The following STPG2 variants were observed in gnomAD, a reference collection of about 807,000 sequenced individuals.
STPG2 encodes the protein sperm-tail PG-rich repeat-containing protein 2.
In STPG2, 56 loss-of-function variants were observed where a neutral mutation model predicts 54.2. The observed-to-expected ratio is 1.03, with a 90% CI of 0.83 to 1.29. The LOEUF is 1.29. STPG2 is among the 50% of genes most tolerant of loss of function. STPG2 has a pLI of 0.00. For synonymous variants in STPG2, 200 were observed against 181.8 expected (o/e 1.10, Z -0.81); for missense variants, 596 against 544.9 (o/e 1.09, Z -0.93).
chr4:97,934,989 G>A (rs1202987776), intron 8 of STPG2, among the ~76,000 whole-genome samples: 1 of 152,044 alleles, frequency 6.6e-6, no homozygotes, highest in Non-Finnish European at 1.5e-5. Context: ...CTGATACTGG[G>A]CGTTTTTTGG....
At chr4:97,509,301 C>T (rs1435436131) in intron 4 of STPG2, among the ~76,000 whole-genome samples, 1 of 151,910 alleles carries the variant, frequency 6.6e-6, no homozygotes, top group Non-Finnish European at 1.5e-5. Context: ...TATAATACAG[C>T]AAGTTTCCAT....
chr4:97,999,271 G>A lies in STPG2; in HGVS notation c.613-17953C>T, dbSNP rs567403034. Among the ~76,000 whole-genome samples, 13 of 152,294 alleles carry A rather than the reference G, an allele frequency of 8.5e-5. No individual in the cohort carries two copies. The South Asian group carries it at 2.7e-3, about 32-fold the overall frequency. ...ATTTCAAAAACAACATAGCTTGCAA[G>A]TGGTTGGGACAGATAGTATTGGTTT... is the stretch of plus-strand genomic sequence containing the variant. On this transcript the variant is annotated intron_variant, in intron 5 of 10. Transcript: ENST00000295268.
intron 2 of STPG2, among the ~76,000 whole-genome samples, chr4:98,132,279 G>A (rs1740015616): frequency 2.6e-5 from 4 of 151,838 alleles, no homozygotes; most frequent in Admixed American, 6.6e-5. Context: ...TATGAATACA[G>A]TTAAAAACTA....
chr4:97,862,985 C>G (rs1014592836), intron 8 of STPG2, among the ~76,000 whole-genome samples: 11 of 151,976 alleles, frequency 7.2e-5, no homozygotes, highest in Non-Finnish European at 1.3e-4. Flanking sequence ...ATGCCCACAA[C>G]AGAAAGCAGG....
chr4:97,862,049 C>T (rs1199751302), intron 8 of STPG2, among the ~76,000 whole-genome samples: 1 of 152,036 alleles, frequency 6.6e-6, no homozygotes, highest in Non-Finnish European at 1.5e-5. Flanking sequence ...ATCATAATGA[C>T]AGAATCAAAT....
chr4:97,941,095 T>A (rs980374652), intron 8 of STPG2, among the ~76,000 whole-genome samples: 70 of 152,082 alleles, frequency 4.6e-4, no homozygotes, highest in Admixed American at 1.2e-3. Context: ...CAAAATCATT[T>A]CCCCTGAGAA....
chr4:97,638,713 A>G (rs1721652771), intron 10 of STPG2, among the ~76,000 whole-genome samples: 1 of 147,444 alleles, frequency 6.8e-6, no homozygotes, highest in Admixed American at 6.7e-5. Flanking sequence ...TCAAAAGAAG[A>G]CATTTATGCA....
intron 9 of STPG2, among the ~76,000 whole-genome samples, chr4:97,741,668 C>T (rs1324377979): frequency 6.6e-6 from 1 of 152,124 alleles, no homozygotes. Context: ...AATGTGATAC[C>T]ATCTCACACC....
intron 5 of STPG2, among the ~76,000 whole-genome samples, chr4:98,071,442 A>G (rs1370117116): frequency 6.8e-6 from 1 of 146,272 alleles, no homozygotes; most frequent in Non-Finnish European, 1.5e-5. Flanking sequence ...GATTTACATG[A>G]AAACCCAAAA....
In STPG2 at chr4:98,025,982, T is replaced by C. The variant is rs966378167; in HGVS notation, c.613-44664A>G. 5 of 1,158,164 alleles carry C rather than the reference T, an allele frequency of 4.3e-6. No individual in the cohort carries two copies. In the African/African-American group the frequency reaches 7.6e-5, roughly 18 times the overall value. The allele number at this position is 1,158,164 out of a possible 1,614,324, so 71.7% of individuals were successfully genotyped here. A position where few individuals can be genotyped will look rare whatever the true frequency, so the allele number is the denominator to read the frequency against. On this transcript the variant is annotated intron_variant, in intron 5 of 10. Coordinates refer to ENST00000295268, the MANE Select transcript of STPG2 (RefSeq NM_174952.3). ...GTAGAACTACACAGGAAGCACATTG[T>C]GGGCCAGAATGTTGCAGAATGTTGC...
At chr4:97,931,518 C>A (rs1007531523) in intron 8 of STPG2, among the ~76,000 whole-genome samples, 2 of 152,106 alleles carry the variant, frequency 1.3e-5, no homozygotes, top group East Asian at 3.9e-4. Flanking sequence ...AACCTTGAAT[C>A]CTGGAAATAA....
intron 5 of STPG2, among the ~76,000 whole-genome samples, chr4:98,101,074 G>A (rs904563606): frequency 3.3e-5 from 5 of 151,878 alleles, no homozygotes; most frequent in Non-Finnish European, 7.4e-5. Context: ...TACCACCCCT[G>A]GGATCCCACA....
chr4:97,690,569 G>A (rs11933335), intron 10 of STPG2, among the ~76,000 whole-genome samples: 3,491 of 152,092 alleles, frequency 0.023, 82 homozygotes, highest in African/African-American at 0.065. Context: ...AACCAGTACT[G>A]AGAAAAGCAA....
Position 98,056,585 on chromosome 4 carries a change from T to C in STPG2, c.612+49368A>G, listed in dbSNP as rs184633592. ...CTAATATCTCCCATAAATGAAGCCA[T>C]ATCTACCTTATACCATCAAACCCTC... is the stretch of plus-strand genomic sequence containing the variant. On this transcript the variant is annotated intron_variant, in intron 5 of 10. Coordinates refer to ENST00000295268, the MANE Select transcript of STPG2 (RefSeq NM_174952.3). Among the ~76,000 whole-genome samples the C allele has an allele frequency of 2.6e-3, 391 of 151,566 alleles. 2 individuals carry two copies. Among genetic ancestry groups the C allele is most frequent in the African/African-American group, 8.7e-3 (360 of 41,278 alleles).
intron 5 of STPG2, among the ~76,000 whole-genome samples, chr4:97,996,217 C>A (rs972808414): frequency 2.6e-5 from 4 of 152,182 alleles, no homozygotes; most frequent in African/African-American, 4.8e-5. Context: ...GTAACCAAAA[C>A]AGCATGGTAC....
At chr4:98,131,145 T>C (rs1337783249) in intron 2 of STPG2, among the ~76,000 whole-genome samples, 1 of 152,054 alleles carries the variant, frequency 6.6e-6, no homozygotes, top group Non-Finnish European at 1.5e-5. Context: ...TTTTAACTAC[T>C]ATTTTTTCCC....
chr4:97,666,045 G>A (rs545278531), intron 10 of STPG2, among the ~76,000 whole-genome samples: 1 of 152,246 alleles, frequency 6.6e-6, no homozygotes, highest in South Asian at 2.1e-4. Flanking sequence ...CTGCAGCAAT[G>A]GCATGGGTGG....
chr4:98,032,683 A>G (rs1736634455), intron 5 of STPG2, among the ~76,000 whole-genome samples: 1 of 152,208 alleles, frequency 6.6e-6, no homozygotes, highest in African/African-American at 2.4e-5. Flanking sequence ...AATTGACCAC[A>G]TAATTGGAAG....
intron 10 of STPG2, among the ~76,000 whole-genome samples, chr4:97,675,889 G>GTATATATACATATATATACATATA (rs1560713624): frequency 1.4e-5 from 2 of 144,810 alleles, no homozygotes; most frequent in East Asian, 4.0e-4. Context: ...TACAGTATAG[G>GTATATATACATATATATACATATA]TATATATACA....
Sources: allele counts gnomAD v4.1 joint callset (sites outside exome capture counted in the v4.1 genomes callset), GRCh38; gene constraint gnomAD v4.1.1; transcripts MANE v1.5; gene names NCBI Gene and HGNC (gene_info 2026-07-23, HGNC 2026-07-21).